ANK2: variants seen among roughly 807,000 people sequenced by gnomAD.
The protein encoded by ANK2 is ankyrin-2.
ANK2 carries 83 observed loss-of-function variants against 360.5 expected under a neutral mutation model. That is an observed-to-expected ratio of 0.23 (90% confidence interval 0.19 to 0.28). The LOEUF is 0.28. Among genes scored for constraint, ANK2 ranks in the 10% least tolerant of loss-of-function variants. ANK2 has a pLI of 1.00. For synonymous variants in ANK2, 1,740 were observed against 1,759.5 expected, an observed-to-expected ratio of 0.99 and a Z score of 0.28; for missense variants, 4,201 against 4,795.7, an observed-to-expected ratio of 0.88 and a Z score of 3.66.
intron 17 of ANK2, among the ~76,000 whole-genome samples, chr4:113,280,121 C>T (rs1482270091): frequency 6.6e-6 from 1 of 151,608 alleles, no homozygotes; most frequent in Non-Finnish European, 1.5e-5. Flanking sequence ...AACATAGATA[C>T]AAAAGACTTC....
chr4:112,782,633 G>A, the ANK2 span, among the ~76,000 whole-genome samples: 24 of 152,118 alleles, frequency 1.6e-4, no homozygotes, highest in Admixed American at 4.6e-4. Flanking sequence ...TTGGGAGGCC[G>A]AGATGGGTGG....
chr4:113,335,778 G>A, intron 29 of ANK2, 68 bp from the exon 30 acceptor site: 1 of 1,488,136 alleles, frequency 6.7e-7, no homozygotes, highest in Non-Finnish European at 9.4e-7. Flanking sequence ...GAGCGAATGA[G>A]TTGGCTAGAA....
upstream of ANK2, among the ~76,000 whole-genome samples, chr4:113,045,972 T>G (rs1369269099): frequency 6.6e-6 from 1 of 152,328 alleles, no homozygotes; most frequent in Admixed American, 6.5e-5. Flanking sequence ...TGCACTGCAG[T>G]AGGCTTTATG....
chr4:112,872,372 T>C (rs139749198), intron 1 of ANK2, among the ~76,000 whole-genome samples: 1,675 of 151,918 alleles, frequency 0.011, 21 homozygotes, highest in African/African-American at 0.029. Flanking sequence ...AGTTTTGCTC[T>C]TGTTGCCCAG....
At chr4:113,004,779 T>A (rs1315243125) in intron 2 of ANK2, among the ~76,000 whole-genome samples, 1 of 152,198 alleles carries the variant, frequency 6.6e-6, no homozygotes, top group African/African-American at 2.4e-5. Context: ...TACATCAGCA[T>A]CACCACAAAC....
At chr4:113,007,879 T>C (rs2053444890) in intron 2 of ANK2, among the ~76,000 whole-genome samples, 1 of 152,156 alleles carries the variant, frequency 6.6e-6, no homozygotes, top group Non-Finnish European at 1.5e-5. Context: ...GGTAGAGATA[T>C]GGCAGCAAAA....
At chr4:113,138,204 T>G (rs1443765821) in intron 1 of ANK2, among the ~76,000 whole-genome samples, 1 of 152,184 alleles carries the variant, frequency 6.6e-6, no homozygotes, top group East Asian at 1.9e-4. Context: ...AGTTGGACAA[T>G]GAAATTCAAG....
intron 2 of ANK2, among the ~76,000 whole-genome samples, chr4:112,942,396 A>T (rs928217145): frequency 6.6e-6 from 1 of 152,042 alleles, no homozygotes; most frequent in Admixed American, 6.6e-5. Context: ...GTTCAAAGCA[A>T]TTAATAGTCA....
At chr4:112,750,106 C>T in the ANK2 span, among the ~76,000 whole-genome samples, 1 of 152,008 alleles carries the variant, frequency 6.6e-6, no homozygotes, top group African/African-American at 2.4e-5. Flanking sequence ...GAGACAGGGT[C>T]TCTGCTGTCA....
the ANK2 span, among the ~76,000 whole-genome samples, chr4:112,710,921 A>ATATG: frequency 1.4e-5 from 2 of 138,854 alleles, no homozygotes; most frequent in African/African-American, 5.6e-5. Context: ...ATATATATAT[A>ATATG]TATGTATATA....
intron 2 of ANK2, among the ~76,000 whole-genome samples, chr4:112,934,191 G>A (rs539174150): frequency 1.8e-3 from 273 of 152,296 alleles, no homozygotes; most frequent in African/African-American, 6.3e-3. Context: ...ATTTGGAAGA[G>A]CTTCTTAATA....
chr4:112,756,825 T>G, the ANK2 span, among the ~76,000 whole-genome samples: 380 of 152,070 alleles, frequency 2.5e-3, 6 homozygotes, highest in Non-Finnish European at 8.5e-4. Context: ...ATACAAAAAT[T>G]AGCCCTACAT....
intron 2 of ANK2, among the ~76,000 whole-genome samples, chr4:112,906,387 C>T (rs2085225706): frequency 6.6e-6 from 1 of 152,176 alleles, no homozygotes. Flanking sequence ...AAAAAGATAG[C>T]TTTTTGAAAA....
At chr4:113,222,192 T>C (rs572045717) in intron 4 of ANK2, among the ~76,000 whole-genome samples, 30 of 152,276 alleles carry the variant, frequency 2.0e-4, no homozygotes, top group African/African-American at 6.7e-4. Flanking sequence ...CCCAAATTTC[T>C]TACCCACTGG....
intron 22 of ANK2, among the ~76,000 whole-genome samples, chr4:113,301,410 C>CAT (rs1331702040): frequency 2.2e-5 from 3 of 136,068 alleles, no homozygotes; most frequent in East Asian, 2.1e-4. Context: ...CACACACACA[C>CAT]ACATTGTGAA....
intron 11 of ANK2, among the ~76,000 whole-genome samples, chr4:113,257,846 G>A (rs148965505): frequency 6.6e-5 from 10 of 152,198 alleles, no homozygotes; most frequent in Admixed American, 3.9e-4. Context: ...ACAGAATTAC[G>A]TACAGGCCCA....
chr4:112,921,544 G>C (rs1295554163), intron 2 of ANK2, among the ~76,000 whole-genome samples: 1 of 151,982 alleles, frequency 6.6e-6, no homozygotes, highest in Non-Finnish European at 1.5e-5. Context: ...TGCAATCATA[G>C]CACACTACAA....
At chr4:112,800,541 C>T in the ANK2 span, among the ~76,000 whole-genome samples, 4 of 152,190 alleles carry the variant, frequency 2.6e-5, no homozygotes, top group East Asian at 5.8e-4. Flanking sequence ...CTTCTCTCTG[C>T]GTCTAGAATG....
chr4:113,245,896 AC>A (rs1478423420), intron 9 of ANK2, among the ~76,000 whole-genome samples: 4 of 151,362 alleles, frequency 2.6e-5, no homozygotes, highest in Admixed American at 1.3e-4. Context: ...CCCCCACCTC[AC>A]TGGTTCAAGC....
Sources: allele counts gnomAD v4.1 joint callset (sites outside exome capture counted in the v4.1 genomes callset), GRCh38; gene constraint gnomAD v4.1.1; transcripts MANE v1.5; gene names NCBI Gene and HGNC (gene_info 2026-07-23, HGNC 2026-07-21).